SAMM50: variants seen among roughly 807,000 people sequenced by gnomAD.
SAMM50 encodes sorting and assembly machinery component 50 homolog.
Under a neutral mutation model 66.9 loss-of-function variants are expected in SAMM50, and 47 were observed. The observed-to-expected ratio is 0.70, with a 90% CI of 0.56 to 0.90. The LOEUF is 0.90. Ranked by LOEUF, SAMM50 falls within the 40% of genes least tolerant of loss-of-function variation. The pLI is 0.00. For missense variants in SAMM50, 535 were observed against 595.3 expected, an observed-to-expected ratio of 0.90 and a Z score of 1.05; for synonymous variants, 191 against 214.1, an observed-to-expected ratio of 0.89 and a Z score of 0.94.
chr22:43,968,467 C>T (rs563608557), intron 3 of SAMM50, among the ~76,000 whole-genome samples: 3 of 152,232 alleles, frequency 2.0e-5, no homozygotes, highest in South Asian at 2.1e-4. Context: ...TGTGTATCTG[C>T]GTTAGTCTTG....
rs761064487 is a variant in SAMM50, at chr22:43,983,985, G to C, written c.1060G>C (p.Gly354Arg). The stretch of plus-strand genomic sequence containing the variant: ...CCGCGGATTCAGCATGCACAGCATC[G>C]GGCCACAGAGCGAAGGTCTGTCCTT... ...SIRGFSMHSI[G>R]PQSEGDYLGG... The change falls in exon 12 of 15, where the codon GGG becomes CGG. Residue 354 changes from glycine (G) to arginine (R), a missense_variant. Coordinates refer to ENST00000350028, the MANE Select transcript of SAMM50 (RefSeq NM_015380.5). The surrounding 1 kb of genome is among the most constrained non-coding windows in gnomAD (Gnocchi z 4.2). The C allele has an allele frequency of 6.2e-7, 1 of 1,611,512 alleles. No homozygotes were observed. The highest frequency in any genetic ancestry group is 8.5e-7 in the Non-Finnish European group (1 of 1,179,012).
At chr22:43,985,798 G>A (rs1281308175) in intron 12 of SAMM50, among the ~76,000 whole-genome samples, 1 of 151,910 alleles carries the variant, frequency 6.6e-6, no homozygotes, top group South Asian at 2.1e-4. Context: ...GCGAGCTTCC[G>A]GGGTGGCCGC....
At chr22:43,986,429 A>G (rs536852951) in intron 12 of SAMM50, 2 of 151,756 alleles carry the variant, frequency 1.3e-5, no homozygotes, top group East Asian at 3.9e-4. Context: ...TCTCATTTAT[A>G]CTCCTAGAAC....
intron 1 of SAMM50, among the ~76,000 whole-genome samples, chr22:43,959,018 CTT>C (rs11337908): frequency 0.023 from 2,613 of 112,582 alleles, 25 homozygotes; most frequent in South Asian, 0.074. Context: ...TTTCAGTTTT[CTT>C]TTTTTTTTTT....
chr22:43,974,008 G>A (rs2050218082), intron 7 of SAMM50, among the ~76,000 whole-genome samples: 1 of 142,072 alleles, frequency 7.0e-6, no homozygotes, highest in South Asian at 2.4e-4. Flanking sequence ...CCTTTTTGGG[G>A]CTTTATGATA....
intron 4 of SAMM50, among the ~76,000 whole-genome samples, chr22:43,969,306 G>A (rs769512884): frequency 1.3e-5 from 2 of 152,164 alleles, no homozygotes; most frequent in Non-Finnish European, 2.9e-5. Context: ...TTCCATTTTA[G>A]TTTTTGCCCA....
intron 14 of SAMM50, 40 bp downstream of exon 14, chr22:43,990,446 C>G: frequency 6.3e-7 from 1 of 1,589,204 alleles, no homozygotes; most frequent in Non-Finnish European, 8.6e-7. Flanking sequence ...ACATCCCACT[C>G]TCCAGTAATT....
Position 43,977,967 on chromosome 22 carries a change from C to T in SAMM50, c.936+9C>T, listed in dbSNP as rs753470012. 5 of 1,580,126 alleles carry T rather than the reference C, an allele frequency of 3.2e-6. No homozygotes were observed. The South Asian group carries it at 5.6e-5, about 18-fold the overall frequency. On this transcript the variant is annotated intron_variant, in intron 10 of 14. Coordinates refer to ENST00000350028, the MANE Select transcript of SAMM50 (RefSeq NM_015380.5). ...AACTCATATTTGATTCAGTGAGTATCTAACGGATGCTGGCACCTGCACTGT... is the reference window on the plus strand; with the variant it reads ...AACTCATATTTGATTCAGTGAGTATTTAACGGATGCTGGCACCTGCACTGT...
intron 13 of SAMM50, among the ~76,000 whole-genome samples, chr22:43,989,966 A>C (rs1258323099): frequency 1.3e-5 from 2 of 152,140 alleles, no homozygotes; most frequent in Admixed American, 1.3e-4. Flanking sequence ...TGAGACTCAG[A>C]GTGGGGCTTC....
In SAMM50 at chr22:43,964,441, G is replaced by A; in HGVS notation, c.133-11G>A. ...ATGTCATCCCTAATACTGTCCCTGT[G>A]TGACTTTTAGGTGGTTGTTCAACAT... On this transcript the variant is annotated splice_polypyrimidine_tract_variant and intron_variant, in intron 2 of 14. Transcript: ENST00000350028. 6.7e-7 allele frequency: 1 copy of A among 1,503,156 alleles called. No homozygotes were observed. The highest frequency in any genetic ancestry group is 1.1e-5 in the South Asian group (1 of 88,706). 93.1% of individuals were successfully genotyped at this position (1,503,156 alleles called of 1,614,324 possible).
At chr22:43,981,160 C>T (rs888345488) in intron 10 of SAMM50, among the ~76,000 whole-genome samples, 11 of 152,222 alleles carry the variant, frequency 7.2e-5, no homozygotes, top group South Asian at 2.1e-4. Flanking sequence ...TGCTCGCCTT[C>T]GGTGTGTCTT....
intron 14 of SAMM50, among the ~76,000 whole-genome samples, chr22:43,990,918 T>C (rs1378819998): frequency 1.3e-5 from 2 of 152,156 alleles, no homozygotes; most frequent in Admixed American, 1.3e-4. Flanking sequence ...TGGGTGAATA[T>C]GGTATAGGGC....
intron 1 of SAMM50, among the ~76,000 whole-genome samples, chr22:43,962,833 T>A (rs1340266177): frequency 6.6e-6 from 1 of 151,096 alleles, no homozygotes; most frequent in African/African-American, 2.4e-5. Flanking sequence ...GTCATAATCC[T>A]TCATCCATGA....
chr22:43,960,342 A>C (rs1422213542), intron 1 of SAMM50, among the ~76,000 whole-genome samples: 1 of 152,202 alleles, frequency 6.6e-6, no homozygotes, highest in African/African-American at 2.4e-5. Context: ...GTGGACTTTC[A>C]GTACTTATTT....
At chr22:43,963,467 A>G in intron 2 of SAMM50, 71 bp downstream of exon 2, 1 of 873,170 alleles carries the variant, frequency 1.1e-6, no homozygotes, top group Non-Finnish European at 1.8e-6. Flanking sequence ...CACTAGGGAG[A>G]TGTAAAGGAA....
At chr22:43,977,387 C>T (rs911204760) in intron 9 of SAMM50, among the ~76,000 whole-genome samples, 2 of 152,202 alleles carry the variant, frequency 1.3e-5, no homozygotes, top group Admixed American at 6.5e-5. Flanking sequence ...AGGGGCTGCA[C>T]TGAACCTTGA....
Position 43,970,240 on chromosome 22 carries a change from T to G in SAMM50, c.322+1422T>G, listed in dbSNP as rs1177556832. ...TTTCCTGTGGTTCCCTGGGGTCACC[T>G]TGGGCTAGTGTGGTGCCTTGTTCTC... is the stretch of plus-strand genomic sequence containing the variant. On this transcript the variant is annotated intron_variant, in intron 4 of 14. Coordinates refer to ENST00000350028, the MANE Select transcript of SAMM50 (RefSeq NM_015380.5). 1.3e-5 allele frequency among the ~76,000 whole-genome samples: 2 copies of G among 151,716 alleles called. 1 individual carries two copies. The highest frequency in any genetic ancestry group is 6.8e-3 in the Middle Eastern group (2 of 292).
chr22:43,979,014 G>A (rs1228988252), intron 10 of SAMM50, among the ~76,000 whole-genome samples: 1 of 152,190 alleles, frequency 6.6e-6, no homozygotes, highest in Non-Finnish European at 1.5e-5. Flanking sequence ...TCCGGCACGT[G>A]AGCCCATCCT....
At chr22:43,982,733 T>C (rs1603419853) in intron 11 of SAMM50, among the ~76,000 whole-genome samples, 1 of 152,164 alleles carries the variant, frequency 6.6e-6, no homozygotes, top group Non-Finnish European at 1.5e-5. Flanking sequence ...CCTCCCGGGT[T>C]CAAGCTATTC....
Sources: allele counts gnomAD v4.1 joint callset (sites outside exome capture counted in the v4.1 genomes callset), GRCh38; gene constraint gnomAD v4.1.1; non-coding constraint Gnocchi (gnomAD v3.1); transcripts MANE v1.5; gene names NCBI Gene and HGNC (gene_info 2026-07-23, HGNC 2026-07-21).